UNC5B: variants seen among roughly 807,000 people sequenced by gnomAD.
UNC5B encodes unc-5 netrin receptor B, also known as netrin receptor UNC5B.
Under a neutral mutation model 103.7 loss-of-function variants are expected in UNC5B, and 56 were observed. The observed-to-expected ratio is 0.54, with a 90% CI of 0.44 to 0.67. The LOEUF (loss-of-function observed/expected upper bound fraction) is 0.67, where lower values mean the gene tolerates loss of function less well. Among genes scored for constraint, UNC5B ranks in the 30% least tolerant of loss-of-function variants. The pLI, the probability that UNC5B is intolerant of heterozygous loss-of-function variation, is 0.00. For missense variants in UNC5B, 1,194 were observed against 1,284.5 expected, an observed-to-expected ratio of 0.93 and a Z score of 1.08; for synonymous variants, 577 against 542.0, an observed-to-expected ratio of 1.06 and a Z score of -0.90.
intron 1 of UNC5B, among the ~76,000 whole-genome samples, chr10:71,241,068 T>C (rs1843887221): frequency 1.3e-5 from 2 of 152,242 alleles, no homozygotes; most frequent in African/African-American, 4.8e-5. Flanking sequence ...CAGATCACTC[T>C]ACTTGTATTG....
At chr10:71,243,636 G>C (rs1303430119) in intron 1 of UNC5B, among the ~76,000 whole-genome samples, 1 of 152,158 alleles carries the variant, frequency 6.6e-6, no homozygotes, top group Non-Finnish European at 1.5e-5. Flanking sequence ...TTCCCCGGGG[G>C]GCTTGGGAAG....
intron 1 of UNC5B, among the ~76,000 whole-genome samples, chr10:71,240,958 G>A (rs748718295): frequency 9.2e-5 from 14 of 152,238 alleles, no homozygotes; most frequent in South Asian, 8.3e-4. Flanking sequence ...AGCAGCCTGC[G>A]AATCCAAGAT....
At position 71,266,395 on chromosome 10, in the gene UNC5B, G is replaced by A. The variant is rs1435655118; in HGVS notation, c.80-13426G>A. On this transcript the variant is annotated intron_variant, in intron 1 of 16. Coordinates refer to ENST00000335350, the MANE Select transcript of UNC5B (RefSeq NM_170744.5). ...TCACGGTGTCCTCAGCTGGATGCCTGCCCTCTGGCCCTTGCACCCTTCCTC... is the reference window on the plus strand; with the variant it reads ...TCACGGTGTCCTCAGCTGGATGCCTACCCTCTGGCCCTTGCACCCTTCCTC... Among the ~76,000 whole-genome samples the A allele has an allele frequency of 6.6e-5, 10 of 152,242 alleles. No homozygotes were observed. In the East Asian group the frequency reaches 1.2e-3, roughly 18 times the overall value.
Position 71,284,950 on chromosome 10 carries a change from C to A in UNC5B, c.448+87C>A. On this transcript the variant is annotated intron_variant, in intron 3 of 16. Coordinates refer to ENST00000335350, the MANE Select transcript of UNC5B (RefSeq NM_170744.5). ...GAGAGGGAACTTCACATCTGTGGGG[C>A]CTCCTCCAGCATCCCTGGCTGAGGA... The A allele has an allele frequency of 7.3e-6, 11 of 1,501,586 alleles. No homozygotes were observed. In the South Asian group the frequency reaches 1.4e-4, roughly 20 times the overall value. The allele number at this position is 1,501,586 out of a possible 1,614,324, so 93.0% of individuals were successfully genotyped here.
intron 1 of UNC5B, among the ~76,000 whole-genome samples, chr10:71,259,797 C>T (rs1444319388): frequency 6.6e-6 from 1 of 152,076 alleles, no homozygotes; most frequent in Non-Finnish European, 1.5e-5. Context: ...TAGCCAGGCT[C>T]AGCCAGGTCA....
At chr10:71,227,621 C>T (rs11498012) in intron 1 of UNC5B, among the ~76,000 whole-genome samples, 4,397 of 135,868 alleles carry the variant, frequency 0.032, 107 homozygotes, top group East Asian at 0.11. Context: ...CATATATATA[C>T]ATATATACAT....
intron 1 of UNC5B, among the ~76,000 whole-genome samples, chr10:71,236,128 A>G (rs890942843): frequency 6.6e-6 from 1 of 152,172 alleles, no homozygotes; most frequent in African/African-American, 2.4e-5. Flanking sequence ...AACTTTGTCA[A>G]ACTCCTCAGG....
At chr10:71,243,916 A>G (rs1564713611) in intron 1 of UNC5B, among the ~76,000 whole-genome samples, 1 of 152,238 alleles carries the variant, frequency 6.6e-6, no homozygotes, top group Admixed American at 6.5e-5. Flanking sequence ...ATTGTTCTCC[A>G]TAGTTTATAA....
At chr10:71,269,389 T>C (rs1356810054) in intron 1 of UNC5B, among the ~76,000 whole-genome samples, 1 of 135,260 alleles carries the variant, frequency 7.4e-6, no homozygotes, top group Non-Finnish European at 1.6e-5. Context: ...GTGCACAGTT[T>C]CTCTTTCTGG....
intron 1 of UNC5B, among the ~76,000 whole-genome samples, chr10:71,220,705 C>T (rs954496348): frequency 6.6e-6 from 1 of 152,172 alleles, no homozygotes; most frequent in African/African-American, 2.4e-5. Flanking sequence ...AAGCCCTTAG[C>T]ACAGTGCCCG....
intron 1 of UNC5B, among the ~76,000 whole-genome samples, chr10:71,221,585 TG>T (rs1220311715): frequency 2.0e-5 from 3 of 152,208 alleles, no homozygotes; most frequent in Non-Finnish European, 4.4e-5. Flanking sequence ...TTAAAAACCA[TG>T]GGCCTGACTC....
chr10:71,284,352 A>T (rs960815116), intron 2 of UNC5B, among the ~76,000 whole-genome samples: 1 of 152,048 alleles, frequency 6.6e-6, no homozygotes, highest in African/African-American at 2.4e-5. Flanking sequence ...TGGGATGGGG[A>T]TGGTGGATGC....
intron 1 of UNC5B, among the ~76,000 whole-genome samples, chr10:71,215,645 C>T (rs1408952939): frequency 1.3e-5 from 2 of 152,080 alleles, no homozygotes; most frequent in Non-Finnish European, 2.9e-5. Flanking sequence ...TCTGGTTGGC[C>T]CTGGAAATCT....
intron 1 of UNC5B, among the ~76,000 whole-genome samples, chr10:71,250,185 G>A (rs1450726116): frequency 1.3e-5 from 2 of 152,222 alleles, no homozygotes; most frequent in Non-Finnish European, 2.9e-5. Context: ...CTGCTCCCCA[G>A]GATGCCTTGA....
intron 2 of UNC5B, among the ~76,000 whole-genome samples, chr10:71,282,404 C>A (rs1170453954): frequency 6.6e-6 from 1 of 152,200 alleles, no homozygotes; most frequent in East Asian, 1.9e-4. Flanking sequence ...AGGTCCCTGT[C>A]CTATGCTCCC....
intron 1 of UNC5B, among the ~76,000 whole-genome samples, chr10:71,233,650 G>A (rs367580079): frequency 7.2e-4 from 109 of 152,352 alleles, no homozygotes; most frequent in African/African-American, 2.5e-3. Flanking sequence ...TGCCACAGCA[G>A]TTAATGAGGA....
chr10:71,299,470 C>A lies in UNC5B; in HGVS notation c.*193C>A. Reference sequence around the variant, plus strand: ...ATCCATGTACTCTGTTGTTAGAGGGCCCAGAGTTCCTTCTCCACCCCCGCT... The same window carrying A: ...ATCCATGTACTCTGTTGTTAGAGGGACCAGAGTTCCTTCTCCACCCCCGCT... On this transcript the variant is annotated 3_prime_UTR_variant, in exon 17 of 17. Transcript: ENST00000335350. 1.6e-6 allele frequency: 1 copy of A among 632,250 alleles called. No individual in the cohort carries two copies. Among genetic ancestry groups the A allele is most frequent in the Non-Finnish European group, 2.7e-6 (1 of 376,192 alleles). 39.2% of individuals were successfully genotyped at this position (632,250 alleles called of 1,614,324 possible).
intron 1 of UNC5B, among the ~76,000 whole-genome samples, chr10:71,266,852 A>AT (rs1844535894): frequency 6.6e-6 from 1 of 152,146 alleles, no homozygotes; most frequent in African/African-American, 2.4e-5. Flanking sequence ...CAGTTCACAC[A>AT]TTTTAAATTG....
intron 1 of UNC5B, among the ~76,000 whole-genome samples, chr10:71,278,276 A>C (rs2394788): frequency 0.93 from 141,362 of 152,254 alleles, 65,663 homozygotes; most frequent in Middle Eastern, 0.98. Flanking sequence ...TGTGCCAGGC[A>C]CCGCCTAGGT....
Sources: allele counts gnomAD v4.1 joint callset (sites outside exome capture counted in the v4.1 genomes callset), GRCh38; gene constraint gnomAD v4.1.1; transcripts MANE v1.5; gene names NCBI Gene and HGNC (gene_info 2026-07-23, HGNC 2026-07-21).